Variants in CTNNA3 observed in about 807,000 individuals in gnomAD.
CTNNA3 encodes catenin alpha 3, also known as catenin alpha-3.
In CTNNA3, 76 loss-of-function variants were observed where a neutral mutation model predicts 95.7. The ratio of observed to expected loss-of-function variants is 0.79; its 90% CI spans 0.66 to 0.96. CTNNA3 has a LOEUF of 0.96. Ranked by LOEUF, CTNNA3 falls within the 40% of genes least tolerant of loss-of-function variation. The pLI is 0.00. For synonymous variants in CTNNA3, 431 were observed against 374.4 expected (o/e 1.15, Z -1.74); for missense variants, 1,191 against 1,089.8 (o/e 1.09, Z -1.31).
intron 3 of CTNNA3, among the ~76,000 whole-genome samples, chr10:67,550,779 G>C (rs1450196019): frequency 5.3e-5 from 8 of 150,234 alleles, no homozygotes; most frequent in African/African-American, 2.0e-4. Context: ...AATAAACATG[G>C]AGTTTTTAAA....
chr10:67,526,349 A>ATTT (rs34051034), intron 4 of CTNNA3, among the ~76,000 whole-genome samples: 48 of 135,670 alleles, frequency 3.5e-4, no homozygotes, highest in African/African-American at 8.4e-4. Flanking sequence ...ATCTCAAATG[A>ATTT]TTTTTTTTTT....
intron 1 of CTNNA3, among the ~76,000 whole-genome samples, chr10:67,761,200 G>A (rs1355166939): frequency 1.3e-5 from 2 of 152,158 alleles, no homozygotes; most frequent in African/African-American, 4.8e-5. Context: ...TTATGGGACT[G>A]CTGCTATATA....
At chr10:66,129,564 G>C (rs930397368) in intron 13 of CTNNA3, among the ~76,000 whole-genome samples, 1 of 152,142 alleles carries the variant, frequency 6.6e-6, no homozygotes, top group Non-Finnish European at 1.5e-5. Flanking sequence ...GAACTCTGCA[G>C]GGCGGTCTTG....
chr10:67,125,397 T>A (rs1441549864), intron 7 of CTNNA3, among the ~76,000 whole-genome samples: 2 of 152,272 alleles, frequency 1.3e-5, no homozygotes, highest in Non-Finnish European at 2.9e-5. Flanking sequence ...TCTCATTTTT[T>A]AAAAAATTCA....
intron 13 of CTNNA3, among the ~76,000 whole-genome samples, chr10:66,162,269 G>A (rs544660597): frequency 6.6e-6 from 1 of 152,068 alleles, no homozygotes; most frequent in South Asian, 2.1e-4. Flanking sequence ...TTGAGGGGAT[G>A]TTGAAGAGCC....
chr10:66,126,221 G>A (rs1222973104), intron 13 of CTNNA3, among the ~76,000 whole-genome samples: 16 of 152,164 alleles, frequency 1.1e-4, no homozygotes. Context: ...CTTTCCATAA[G>A]GGTACAGGTT....
intron 12 of CTNNA3, among the ~76,000 whole-genome samples, chr10:66,284,926 C>T (rs984262442): frequency 6.6e-6 from 1 of 151,684 alleles, no homozygotes; most frequent in Non-Finnish European, 1.5e-5. Flanking sequence ...ACTTTATACT[C>T]TTCTTTTTTT....
chr10:67,160,282 G>C (rs537789977), intron 7 of CTNNA3, among the ~76,000 whole-genome samples: 1 of 152,166 alleles, frequency 6.6e-6, no homozygotes, highest in South Asian at 2.1e-4. Flanking sequence ...AATGTAAAAT[G>C]ATGTCACAGC....
At chr10:66,595,226 C>T (rs1329453205) in intron 10 of CTNNA3, among the ~76,000 whole-genome samples, 2 of 152,062 alleles carry the variant, frequency 1.3e-5, no homozygotes, top group Non-Finnish European at 2.9e-5. Context: ...TTCACTTTAC[C>T]TATCTCACCA....
intron 13 of CTNNA3, among the ~76,000 whole-genome samples, chr10:66,126,479 G>T (rs1424443685): frequency 1.3e-5 from 2 of 152,146 alleles, no homozygotes; most frequent in African/African-American, 4.8e-5. Flanking sequence ...TCACCTAAAA[G>T]AAATGACACC....
intron 11 of CTNNA3, among the ~76,000 whole-genome samples, chr10:66,502,286 T>A (rs1840302741): frequency 6.6e-6 from 1 of 152,148 alleles, no homozygotes; most frequent in African/African-American, 2.4e-5. Context: ...TCTGGCATGA[T>A]CTCTCTGTTC....
In CTNNA3 at chr10:66,150,251, C is replaced by T. The variant is rs546436091; in HGVS notation, c.1885-47002G>A. On this transcript the variant is annotated intron_variant, in intron 13 of 17. Coordinates refer to ENST00000433211, the MANE Select transcript of CTNNA3 (RefSeq NM_013266.4). ...GGTTTTAAAAACAAGAGTTTTTCTG[C>T]ACAAGCTCTCTTTGCCTGGCACCAT... 1.8e-3 allele frequency among the ~76,000 whole-genome samples: 267 copies of T among 152,238 alleles called. 1 individual carries two copies. The highest frequency in any genetic ancestry group is 3.4e-3 in the Middle Eastern group (1 of 294).
Position 65,914,011 on chromosome 10 carries a change from C to T in CTNNA3, c.*6319G>A, listed in dbSNP as rs573558573. Reference sequence around the variant, plus strand: ...AAATGTATAAGGAAGTGTCACAGACCTCCAACACCAAATAACCAGAACTAA... The same window carrying T: ...AAATGTATAAGGAAGTGTCACAGACTTCCAACACCAAATAACCAGAACTAA... On this transcript the variant is annotated 3_prime_UTR_variant, in exon 18 of 18. Coordinates refer to ENST00000433211, the MANE Select transcript of CTNNA3 (RefSeq NM_013266.4). The T allele has an allele frequency of 6.6e-6, 1 of 152,230 alleles. No individual in the cohort carries two copies. The highest frequency in any genetic ancestry group is 2.4e-5 in the African/African-American group (1 of 41,554). 9.4% of individuals were successfully genotyped at this position (152,230 alleles called of 1,614,324 possible).
At chr10:66,378,982 C>T (rs1172718197) in intron 12 of CTNNA3, among the ~76,000 whole-genome samples, 170 bp downstream of exon 12, 9 of 152,166 alleles carry the variant, frequency 5.9e-5, no homozygotes, top group African/African-American at 1.9e-4. Flanking sequence ...AATATATTTA[C>T]TTCTCAGTGA....
chr10:67,194,638 A>G (rs1392615769), intron 6 of CTNNA3, among the ~76,000 whole-genome samples: 1 of 151,878 alleles, frequency 6.6e-6, no homozygotes, highest in African/African-American at 2.4e-5. Flanking sequence ...CTAATGGTGG[A>G]TGAATTTTAT....
intron 15 of CTNNA3, among the ~76,000 whole-genome samples, chr10:66,043,048 G>C (rs2079736776): frequency 6.8e-6 from 1 of 148,074 alleles, no homozygotes; most frequent in Non-Finnish European, 1.5e-5. Flanking sequence ...ATTGAGGCCA[G>C]AGAAGTAGAA....
At chr10:67,202,767 T>C (rs1265972193) in intron 6 of CTNNA3, among the ~76,000 whole-genome samples, 1 of 152,026 alleles carries the variant, frequency 6.6e-6, no homozygotes, top group Non-Finnish European at 1.5e-5. Flanking sequence ...AAAAGAAAAC[T>C]GTAATATCAC....
chr10:65,933,186 T>C (rs2077281861), intron 17 of CTNNA3, among the ~76,000 whole-genome samples: 1 of 151,974 alleles, frequency 6.6e-6, no homozygotes, highest in Non-Finnish European at 1.5e-5. Flanking sequence ...AAGAAGAGGG[T>C]TGTCCTCTAG....
intron 9 of CTNNA3, among the ~76,000 whole-genome samples, chr10:66,719,572 C>A (rs997626286): frequency 2.0e-5 from 3 of 152,102 alleles, no homozygotes; most frequent in Non-Finnish European, 4.4e-5. Context: ...ATCAAGGGTA[C>A]CACCCCAGAA....
Sources: gnomAD v4.1 joint callset for allele counts (sites outside exome capture counted in the v4.1 genomes callset) on GRCh38, gnomAD v4.1.1 for gene constraint, MANE v1.5 for transcripts, NCBI Gene and HGNC (gene_info 2026-07-23, HGNC 2026-07-21) for gene names.